Variants in CWC22 observed in about 807,000 individuals in gnomAD.
CWC22 encodes the protein CWC22 spliceosome associated protein.
CWC22 carries 53 observed loss-of-function variants against 117.2 expected under a neutral mutation model. The observed-to-expected ratio is 0.45, with a 90% CI of 0.36 to 0.57. CWC22 has a LOEUF of 0.57. CWC22 is among the 20% of genes least tolerant of loss of function. CWC22 has a pLI of 0.00. For missense variants in CWC22, 980 were observed against 1,068.8 expected, an observed-to-expected ratio of 0.92 and a Z score of 1.16; for synonymous variants, 360 against 355.6, an observed-to-expected ratio of 1.01 and a Z score of -0.14.
At chr2:179,977,000 T>G (rs1441206655) in intron 6 of CWC22, among the ~76,000 whole-genome samples, 1 of 151,878 alleles carries the variant, frequency 6.6e-6, no homozygotes, top group Non-Finnish European at 1.5e-5. Flanking sequence ...TACAAAATAT[T>G]AAAAAATTAG....
At chr2:179,988,040 A>G (rs1904850) in intron 3 of CWC22, among the ~76,000 whole-genome samples, 136,938 of 151,952 alleles carry the variant, frequency 0.9, 61,765 homozygotes, top group East Asian at 1. Context: ...TAGATCCCTC[A>G]CATGCACAGT....
chr2:179,973,130 G>T, intron 8 of CWC22, 63 bp downstream of exon 8: 1 of 987,494 alleles, frequency 1.0e-6, no homozygotes, highest in Non-Finnish European at 1.5e-6. Context: ...TATCAGTGAA[G>T]TGGCATCAAC....
rs1318316864 is a variant in CWC22, at chr2:179,970,685, G to C, written c.1112C>G (p.Pro371Arg). The C allele has an allele frequency of 6.2e-7, 1 of 1,613,574 alleles. No homozygotes were observed. Among genetic ancestry groups the C allele is most frequent in the Admixed American group, 1.7e-5 (1 of 59,976 alleles). The change falls in exon 10 of 20, where the codon CCT becomes CGT. Residue 371 changes from proline (P) to arginine (R), a missense_variant. Transcript: ENST00000410053. ...EEDDQFTHML[P>R]LEDDYNPEDV... is the part of the protein sequence containing the mutation. ...TTCTGGATTATAGTCATCCTCCAGA[G>C]GGAGCATATGAGTGAATTGATCATC...
intron 4 of CWC22, among the ~76,000 whole-genome samples, chr2:179,985,573 T>A (rs1198870049): frequency 6.6e-6 from 1 of 152,018 alleles, no homozygotes; most frequent in Non-Finnish European, 1.5e-5. Flanking sequence ...TCTAACACAG[T>A]AGTCACCCCT....
At chr2:179,998,749 T>C (rs960741263) in intron 1 of CWC22, among the ~76,000 whole-genome samples, 3 of 144,062 alleles carry the variant, frequency 2.1e-5, no homozygotes, top group African/African-American at 7.3e-5. Flanking sequence ...TTCCTTTTTA[T>C]TTAATTTAGC....
chr2:179,950,857 G>A lies in CWC22; in HGVS notation c.1887C>T (p.Asn629=), dbSNP rs775528836. Residue 629 remains asparagine, a synonymous_variant, in exon 18 of 20, where the codon AAC becomes AAT. Coordinates refer to ENST00000410053, the MANE Select transcript of CWC22 (RefSeq NM_020943.3). Reference sequence around the variant, plus strand: ...CTCCAAGACCTATAGAAGTAAAGAAGTTGATGGCAAACCGAGTGTTTCTTG... The same window carrying A: ...CTCCAAGACCTATAGAAGTAAAGAAATTGATGGCAAACCGAGTGTTTCTTG... ...DNPRNTRFAI[N]FFTSIGLGGL... The A allele has an allele frequency of 9.4e-6, 15 of 1,600,014 alleles. No individual in the cohort carries two copies. Among genetic ancestry groups the A allele is most frequent in the Admixed American group, 1.7e-5 (1 of 58,344 alleles).
At chr2:179,974,255 T>C (rs1373750993) in intron 6 of CWC22, among the ~76,000 whole-genome samples, 2 of 152,198 alleles carry the variant, frequency 1.3e-5, no homozygotes, top group African/African-American at 2.4e-5. Context: ...CAAATTTGGG[T>C]TTAAATCTTT....
At chr2:179,953,175 A>G (rs1358398250) in intron 16 of CWC22, among the ~76,000 whole-genome samples, 2 of 151,898 alleles carry the variant, frequency 1.3e-5, no homozygotes, top group African/African-American at 2.4e-5. Flanking sequence ...TTCTCACTTC[A>G]TTTTCTCAAA....
At chr2:179,949,049 T>C (rs1686382047) in intron 19 of CWC22, among the ~76,000 whole-genome samples, 1 of 152,164 alleles carries the variant, frequency 6.6e-6, no homozygotes, top group Non-Finnish European at 1.5e-5. Context: ...AGGTTACAGT[T>C]ACAAAGTAAA....
intron 1 of CWC22, among the ~76,000 whole-genome samples, chr2:179,998,457 A>G (rs1687763400): frequency 6.6e-6 from 1 of 152,036 alleles, no homozygotes; most frequent in African/African-American, 2.4e-5. Context: ...AATTCAAGCA[A>G]TTTGTCCACG....
chr2:179,956,939 T>C (rs1686610709), intron 14 of CWC22, among the ~76,000 whole-genome samples: 1 of 152,128 alleles, frequency 6.6e-6, no homozygotes, highest in Admixed American at 6.5e-5. Context: ...AGTTATTCCC[T>C]CTAGCTTATA....
intron 15 of CWC22, 66 bp from the exon 16 acceptor site, chr2:179,954,423 C>T (rs1363287945): frequency 4.2e-6 from 4 of 957,432 alleles, no homozygotes; most frequent in South Asian, 2.1e-5. Flanking sequence ...ATATTAAATC[C>T]TAAATTTACT....
chr2:179,954,910 T>C, intron 15 of CWC22, 47 bp downstream of exon 15: 4 of 1,092,810 alleles, frequency 3.7e-6, no homozygotes, highest in Middle Eastern at 3.9e-4. Flanking sequence ...AATCATTAAT[T>C]TACAATATTC....
rs1246525359 is a variant in CWC22 at position 179,988,630 on chromosome 2, A to G, written c.42T>C (p.His14=). Residue 14 remains histidine, a synonymous_variant, in exon 3 of 20, where the codon CAT becomes CAC. Transcript: ENST00000410053. Reference sequence around the variant, plus strand: ...ATGAATTAAGGTTTTCCCTTCTGTCATGACCAGAAGAAGGCTTTAAAAGAG... The same window carrying G: ...ATGAATTAAGGTTTTCCCTTCTGTCGTGACCAGAAGAAGGCTTTAAAAGAG... ...SVAQIKPSSG[H]DRRENLNSYQ... 6.6e-7 allele frequency: 1 copy of G among 1,516,416 alleles called. No homozygotes were observed. The highest frequency in any genetic ancestry group is 1.4e-5 in the African/African-American group (1 of 72,346). The allele number at this position is 1,516,416 out of a possible 1,614,324, so 93.9% of individuals were successfully genotyped here.
chr2:179,993,424 A>T lies in CWC22; in HGVS notation c.-83T>A. ...AGTACCCAATGCTCTGAATTCCTTG[A>T]CAGTTTACTTTTTCTGTCTGCAAAC... is the stretch of plus-strand genomic sequence containing the variant. On this transcript the variant is annotated 5_prime_UTR_variant, in exon 2 of 20. Coordinates refer to ENST00000410053, the MANE Select transcript of CWC22 (RefSeq NM_020943.3). 1 of 976,176 alleles carries T rather than the reference A, an allele frequency of 1.0e-6. No individual in the cohort carries two copies. The highest frequency in any genetic ancestry group is 1.6e-5 in the African/African-American group (1 of 61,832). The allele number at this position is 976,176 out of a possible 1,614,324, so 60.5% of individuals were successfully genotyped here.
chr2:179,973,250 A>G lies in CWC22; in HGVS notation c.751-4T>C. ...TTGAAGCAGTCAGGCAAAGTTGCTG[A>G]AAAATAAAGGTGGAAAGTTAACCTA... is the stretch of plus-strand genomic sequence containing the variant. On this transcript the variant is annotated splice_polypyrimidine_tract_variant and splice_region_variant and intron_variant, in intron 7 of 19. Coordinates refer to ENST00000410053, the MANE Select transcript of CWC22 (RefSeq NM_020943.3). 6.3e-7 allele frequency: 1 copy of G among 1,594,444 alleles called. No individual in the cohort carries two copies. Among genetic ancestry groups the G allele is most frequent in the Non-Finnish European group, 8.6e-7 (1 of 1,169,020 alleles).
At chr2:179,979,021 T>C (rs1687220656) in intron 5 of CWC22, among the ~76,000 whole-genome samples, 1 of 152,206 alleles carries the variant, frequency 6.6e-6, no homozygotes, top group South Asian at 2.1e-4. Context: ...TTGGACAATG[T>C]CTAAGATCTT....
Position 179,945,445 on chromosome 2 carries a change from C to CT in CWC22, c.2410dup (p.Arg804LysfsTer12), listed in dbSNP as rs1211802103. 2 of 1,612,858 alleles carry CT rather than the reference C, an allele frequency of 1.2e-6. No individual in the cohort carries two copies. Among genetic ancestry groups the CT allele is most frequent in the Non-Finnish European group, 1.7e-6 (2 of 1,179,316 alleles). On this transcript the variant is annotated frameshift_variant, in exon 20 of 20. Transcript: ENST00000410053. LOFTEE classifies it high-confidence loss of function. ...CAAATCTATATGCATTTCTTGGTCT[C>CT]TGTCATTCGCAACTCTACTGTAGTT... is the stretch of plus-strand genomic sequence containing the variant.
At chr2:179,973,108 A>G in intron 8 of CWC22, 85 bp downstream of exon 8, 1 of 743,322 alleles carries the variant, frequency 1.3e-6, no homozygotes, top group South Asian at 2.2e-5. Flanking sequence ...AAGCAAAGCA[A>G]AAATAGAGAG....
Sources: gnomAD v4.1 joint callset for allele counts (sites outside exome capture counted in the v4.1 genomes callset) on GRCh38, gnomAD v4.1.1 for gene constraint, MANE v1.5 for transcripts, NCBI Gene and HGNC (gene_info 2026-07-23, HGNC 2026-07-21) for gene names.